SLC3A1: variants seen among roughly 807,000 people sequenced by gnomAD.
The protein encoded by SLC3A1 is amino acid transporter heavy chain SLC3A1.
A neutral mutation model predicts 60.3 loss-of-function variants in SLC3A1; 78 were observed. The observed-to-expected ratio is 1.29, with a 90% CI of 1.08 to 1.56. The LOEUF is 1.56. Among genes scored for constraint, SLC3A1 ranks in the 40% most tolerant of loss-of-function variants. SLC3A1 has a pLI of 0.00. For synonymous variants in SLC3A1, 392 were observed against 307.9 expected, an observed-to-expected ratio of 1.27 and a Z score of -2.86; for missense variants, 1,172 against 858.9, an observed-to-expected ratio of 1.36 and a Z score of -4.56.
intron 1 of SLC3A1, among the ~76,000 whole-genome samples, chr2:44,278,346 G>C (rs1363402507): frequency 1.3e-5 from 2 of 152,072 alleles, no homozygotes; most frequent in Non-Finnish European, 2.9e-5. Context: ...TATTTGGGTG[G>C]CTGAGGCAGG....
At chr2:44,320,013 T>C in intron 9 of SLC3A1, 186 bp from the exon 10 acceptor site, 1 of 597,026 alleles carries the variant, frequency 1.7e-6, no homozygotes, top group Non-Finnish European at 2.9e-6. Context: ...AACCCCGAAT[T>C]TGTCATTTCT....
At position 44,280,738 on chromosome 2, in the gene SLC3A1, C is replaced by T. The variant is rs112369341; in HGVS notation, c.453C>T (p.Tyr151=). The change falls in exon 2 of 10, where the codon TAC becomes TAT. Residue 151 remains tyrosine (Y), a synonymous_variant. Coordinates refer to ENST00000260649, the MANE Select transcript of SLC3A1 (RefSeq NM_000341.4). ...CAGGTATTCAAGATAAACTGGACTACATCACAGCTTTAAATATAAAAACTG... is the reference window on the plus strand; with the variant it reads ...CAGGTATTCAAGATAAACTGGACTATATCACAGCTTTAAATATAAAAACTG... ...DLKGIQDKLD[Y]ITALNIKTVW... The T allele has an allele frequency of 2.5e-6, 4 of 1,610,282 alleles. No homozygotes were observed. Among genetic ancestry groups the T allele is most frequent in the South Asian group, 2.2e-5 (2 of 90,966 alleles).
chr2:44,294,433 A>C (rs529662836), intron 4 of SLC3A1, among the ~76,000 whole-genome samples: 1 of 150,096 alleles, frequency 6.7e-6, no homozygotes, highest in East Asian at 2.0e-4. Context: ...TGAACCCGGG[A>C]GGCAAAGGTT....
Position 44,275,554 on chromosome 2 carries a change from A to C in SLC3A1, c.19A>C (p.Lys7Gln), listed in dbSNP as rs369231556. The change falls in exon 1 of 10, where the codon AAG becomes CAG. Residue 7 changes from lysine (K) to glutamine (Q), a missense_variant. Lys to Gln is a moderately conservative substitution (Grantham distance 53, BLOSUM62 1). Transcript: ENST00000260649. Reference sequence around the variant, plus strand: ...GTGAGACATGGCTGAAGATAAAAGCAAGAGAGACTCCATCGAGATGAGTAT... The same window carrying C: ...GTGAGACATGGCTGAAGATAAAAGCCAGAGAGACTCCATCGAGATGAGTAT... MAEDKS[K>Q]RDSIEMSMKG... 1.9e-5 allele frequency: 30 copies of C among 1,614,004 alleles called. 1 individual carries two copies. The South Asian group carries it at 2.4e-4, about 13-fold the overall frequency.
In SLC3A1 at chr2:44,313,470, T is replaced by C. The variant is rs139979739; in HGVS notation, c.1501-365T>C. Among the ~76,000 whole-genome samples the C allele has an allele frequency of 1.6e-3, 246 of 152,354 alleles. 1 individual carries two copies. Among genetic ancestry groups the C allele is most frequent in the African/African-American group, 5.6e-3 (234 of 41,580 alleles). ...GTAGGACAGAATTCATACTCACTTG[T>C]ACATGGCAGTGTTCTTAAATTCACC... On this transcript the variant is annotated intron_variant, in intron 8 of 9. Coordinates refer to ENST00000260649, the MANE Select transcript of SLC3A1 (RefSeq NM_000341.4).
intron 8 of SLC3A1, 78 bp from the exon 9 acceptor site, chr2:44,313,757 T>C: frequency 9.0e-7 from 1 of 1,117,252 alleles, no homozygotes; most frequent in Non-Finnish European, 1.4e-6. Flanking sequence ...ATTAAATAAT[T>C]ATGAAGTAAA....
chr2:44,302,371 C>T (rs1342808908), intron 6 of SLC3A1, among the ~76,000 whole-genome samples: 1 of 152,104 alleles, frequency 6.6e-6, no homozygotes, highest in Non-Finnish European at 1.5e-5. Context: ...AATAAAATTA[C>T]CCATCATTAA....
rs768305541 is a variant in SLC3A1 at position 44,320,294 on chromosome 2, C to T, written c.1713C>T (p.Cys571=). The part of the protein sequence containing the change: ...NELLLNRGWF[C]HLRNDSHYVV... ...TACTCCTCAACAGGGGCTGGTTTTGCCATTTGAGGAATGACAGCCACTATG... is the reference window on the plus strand; with the variant it reads ...TACTCCTCAACAGGGGCTGGTTTTGTCATTTGAGGAATGACAGCCACTATG... The change falls in exon 10 of 10, where the codon TGC becomes TGT. Residue 571 remains cysteine (C), a synonymous_variant. Coordinates refer to ENST00000260649, the MANE Select transcript of SLC3A1 (RefSeq NM_000341.4). The T allele has an allele frequency of 1.2e-6, 2 of 1,613,994 alleles. No individual in the cohort carries two copies. The highest frequency in any genetic ancestry group is 1.1e-5 in the South Asian group (1 of 91,078).
intron 9 of SLC3A1, chr2:44,318,777 AT>A (rs1672665172): frequency 6.6e-6 from 1 of 152,208 alleles, no homozygotes; most frequent in Non-Finnish European, 1.5e-5. Context: ...GCTTGGAAGT[AT>A]TTAATAGCAG....
intron 7 of SLC3A1, among the ~76,000 whole-genome samples, chr2:44,310,219 T>C (rs1387528116): frequency 6.6e-6 from 1 of 152,206 alleles, no homozygotes; most frequent in East Asian, 1.9e-4. Flanking sequence ...TTCTGTGATT[T>C]TGAGGAACTA....
At chr2:44,312,303 C>T (rs539158921) in intron 7 of SLC3A1, among the ~76,000 whole-genome samples, 2 of 152,146 alleles carry the variant, frequency 1.3e-5, no homozygotes, top group Non-Finnish European at 2.9e-5. Flanking sequence ...TCAATATTCT[C>T]TTATCCAAAT....
At chr2:44,305,594 A>AT (rs547524203) in intron 7 of SLC3A1, among the ~76,000 whole-genome samples, 1 of 151,432 alleles carries the variant, frequency 6.6e-6, no homozygotes, top group South Asian at 2.1e-4. Flanking sequence ...TGCCTGGCTA[A>AT]TTTTTTTATT....
At chr2:44,312,318 G>C (rs1160160175) in intron 7 of SLC3A1, among the ~76,000 whole-genome samples, 3 of 152,092 alleles carry the variant, frequency 2.0e-5, no homozygotes, top group Non-Finnish European at 2.9e-5. Context: ...CCAAATATGA[G>C]AAAATATGAC....
At chr2:44,311,686 G>A (rs896607060) in intron 7 of SLC3A1, among the ~76,000 whole-genome samples, 3 of 149,904 alleles carry the variant, frequency 2.0e-5, no homozygotes, top group Non-Finnish European at 3.0e-5. Flanking sequence ...CTATAAAAAC[G>A]TAATTATAAA....
chr2:44,286,306 C>T, intron 4 of SLC3A1, 149 bp downstream of exon 4: 1 of 775,878 alleles, frequency 1.3e-6, no homozygotes, highest in Non-Finnish European at 2.1e-6. Context: ...CTTTATATTG[C>T]ACAATAATTG....
intron 7 of SLC3A1, among the ~76,000 whole-genome samples, chr2:44,307,557 T>C: frequency 7.3e-6 from 1 of 137,296 alleles, no homozygotes; most frequent in African/African-American, 2.8e-5. Context: ...AGTTGTTATC[T>C]CATTGCATTT....
intron 9 of SLC3A1, among the ~76,000 whole-genome samples, chr2:44,315,698 T>G (rs1672417021): frequency 7.1e-6 from 1 of 140,516 alleles, no homozygotes; most frequent in Non-Finnish European, 1.6e-5. Flanking sequence ...AGTGGGAGTC[T>G]AAAACATACA....
At chr2:44,306,091 G>C (rs542935816) in intron 7 of SLC3A1, among the ~76,000 whole-genome samples, 1 of 152,288 alleles carries the variant, frequency 6.6e-6, no homozygotes, top group South Asian at 2.1e-4. Context: ...TGGTGCTGTT[G>C]TTATTCGTAT....
intron 7 of SLC3A1, among the ~76,000 whole-genome samples, chr2:44,307,856 T>A (rs1485979270): frequency 6.6e-6 from 1 of 152,248 alleles, no homozygotes; most frequent in African/African-American, 2.4e-5. Flanking sequence ...TGTTTTGTTG[T>A]TGTTGTTACT....
Sources: gnomAD v4.1 joint callset for allele counts (sites outside exome capture counted in the v4.1 genomes callset) on GRCh38, gnomAD v4.1.1 for gene constraint, MANE v1.5 for transcripts, NCBI Gene and HGNC (gene_info 2026-07-23, HGNC 2026-07-21) for gene names.